Variants in RBM6 observed in about 807,000 individuals in gnomAD.
RBM6 encodes the protein RNA binding motif protein 6.
RBM6 carries 23 observed loss-of-function variants against 140.4 expected under a neutral mutation model. That is an observed-to-expected ratio of 0.16 (90% confidence interval 0.12 to 0.23). The LOEUF (loss-of-function observed/expected upper bound fraction) is 0.23, where lower values mean the gene tolerates loss of function less well. RBM6 is among the 10% of genes least tolerant of loss of function. The pLI is 1.00. For missense variants in RBM6, 1,139 were observed against 1,386.7 expected, an observed-to-expected ratio of 0.82 and a Z score of 2.84; for synonymous variants, 439 against 475.6, an observed-to-expected ratio of 0.92 and a Z score of 1.00.
chr3:50,052,347 G>A (rs940915013), intron 7 of RBM6, among the ~76,000 whole-genome samples: 5 of 152,214 alleles, frequency 3.3e-5, no homozygotes, highest in South Asian at 4.1e-4. Context: ...TTACTGGCAT[G>A]AGCCATCATG....
At chr3:50,037,750 C>T (rs2088628958) in intron 6 of RBM6, among the ~76,000 whole-genome samples, 1 of 152,086 alleles carries the variant, frequency 6.6e-6, no homozygotes, top group East Asian at 1.9e-4. Flanking sequence ...GCAGTTCTCC[C>T]ACCTTGACCT....
At chr3:49,993,146 A>C (rs75584811) in intron 5 of RBM6, among the ~76,000 whole-genome samples, 2,575 of 152,260 alleles carry the variant, frequency 0.017, 51 homozygotes, top group African/African-American at 0.058. Context: ...TGCTCATATG[A>C]CACCATTACT....
intron 1 of RBM6, among the ~76,000 whole-genome samples, chr3:49,947,971 G>A (rs2083566050): frequency 6.6e-6 from 1 of 152,214 alleles, no homozygotes; most frequent in South Asian, 2.1e-4. Flanking sequence ...GTGCCTGGCT[G>A]TAATCCCAGC....
At chr3:49,941,686 A>G (rs1451522590) in intron 1 of RBM6, among the ~76,000 whole-genome samples, 2 of 150,124 alleles carry the variant, frequency 1.3e-5, no homozygotes, top group Non-Finnish European at 3.0e-5. Context: ...AAAACTCAAC[A>G]AAAACCAACA....
intron 5 of RBM6, among the ~76,000 whole-genome samples, chr3:49,994,051 G>A (rs961230180): frequency 2.6e-5 from 4 of 152,082 alleles, no homozygotes; most frequent in Admixed American, 1.3e-4. Context: ...TTCGTAATTC[G>A]AGTGGGATTG....
intron 6 of RBM6, among the ~76,000 whole-genome samples, chr3:50,023,635 C>T (rs375406894): frequency 1.6e-4 from 24 of 148,618 alleles, no homozygotes; most frequent in African/African-American, 5.2e-4. Flanking sequence ...ATTATACGCT[C>T]ACAAATAAAA....
At chr3:49,968,894 C>T in intron 3 of RBM6, 146 bp downstream of exon 3, 1 of 1,109,264 alleles carries the variant, frequency 9.0e-7, no homozygotes, top group South Asian at 1.8e-5. Context: ...ATTCTCCTGC[C>T]TCAGCCTCCT....
chr3:49,943,771 T>C (rs1199997649), intron 1 of RBM6, among the ~76,000 whole-genome samples: 1 of 152,202 alleles, frequency 6.6e-6, no homozygotes, highest in Non-Finnish European at 1.5e-5. Context: ...GGTTATTATA[T>C]GTTTAGCTTT....
intron 1 of RBM6, among the ~76,000 whole-genome samples, chr3:49,953,866 C>T (rs1352844022): frequency 6.6e-6 from 1 of 152,064 alleles, no homozygotes; most frequent in African/African-American, 2.4e-5. Context: ...GGCAGGGTGG[C>T]TCACACCTGT....
rs143282955 is a variant in RBM6 at position 50,000,996 on chromosome 3, G to A, written c.1557+1483G>A. Among the ~76,000 whole-genome samples the A allele has an allele frequency of 9.4e-4, 143 of 152,244 alleles. 5 individuals carry two copies. The East Asian group carries it at 0.024, about 26-fold the overall frequency. ...AGATCCTTAAAGAATGACAGGCTTA[G>A]GACCATATCCCCTAGACTTAAGAGG... On this transcript the variant is annotated intron_variant, in intron 6 of 20. Coordinates refer to ENST00000266022, the MANE Select transcript of RBM6 (RefSeq NM_005777.3).
At chr3:49,987,783 C>T (rs1048979874) in intron 5 of RBM6, among the ~76,000 whole-genome samples, 3 of 151,994 alleles carry the variant, frequency 2.0e-5, no homozygotes, top group African/African-American at 4.8e-5. Context: ...GGATTACAGC[C>T]GCCTGCCACT....
intron 6 of RBM6, among the ~76,000 whole-genome samples, chr3:50,034,850 C>G (rs1294600209): frequency 6.6e-6 from 1 of 152,166 alleles, no homozygotes; most frequent in African/African-American, 2.4e-5. Context: ...GGCAGTTTTC[C>G]TTCTAAGGAA....
chr3:49,954,577 G>A (rs971992865), intron 1 of RBM6, among the ~76,000 whole-genome samples: 2 of 151,888 alleles, frequency 1.3e-5, no homozygotes, highest in African/African-American at 4.8e-5. Context: ...CACTGTGTCT[G>A]GCCTATTTAT....
At position 50,054,354 on chromosome 3, in the gene RBM6, G is replaced by A. The variant is rs370470052; in HGVS notation, c.1652G>A (p.Gly551Glu). ...TTACAGTGTAAGGCAAACATTGGTG[G>A]GCACCGATCTTCCTGTTCATTCTGC... ...YCKRCKANIG[G>E]HRSSCSFCKN... The change falls in exon 8 of 21, where the codon GGG (glycine) becomes GAG (glutamate). Residue 551 changes from glycine to glutamate, a missense_variant. Coordinates refer to ENST00000266022, the MANE Select transcript of RBM6 (RefSeq NM_005777.3). The A allele has an allele frequency of 1.2e-6, 2 of 1,612,818 alleles. No individual in the cohort carries two copies. The highest frequency in any genetic ancestry group is 3.3e-5 in the Admixed American group (2 of 59,994).
At chr3:50,009,748 A>T (rs2086756004) in intron 6 of RBM6, among the ~76,000 whole-genome samples, 1 of 151,646 alleles carries the variant, frequency 6.6e-6, no homozygotes, top group South Asian at 2.1e-4. Context: ...GAGGGGAGGT[A>T]CAGATGAGAT....
At chr3:49,979,607 T>C (rs2085213008) in intron 5 of RBM6, among the ~76,000 whole-genome samples, 1 of 151,898 alleles carries the variant, frequency 6.6e-6, no homozygotes, top group Non-Finnish European at 1.5e-5. Flanking sequence ...ACCTGGCTAA[T>C]TTTTTGTATT....
chr3:49,947,631 CTG>C (rs748871322), intron 1 of RBM6, among the ~76,000 whole-genome samples: 5 of 151,892 alleles, frequency 3.3e-5, no homozygotes, highest in Non-Finnish European at 5.9e-5. Flanking sequence ...TTTTTAAAAT[CTG>C]TGCCTCATCT....
intron 1 of RBM6, among the ~76,000 whole-genome samples, chr3:49,948,770 T>G (rs1559513052): frequency 6.8e-6 from 1 of 147,084 alleles, no homozygotes; most frequent in African/African-American, 2.5e-5. Flanking sequence ...TGCAGTGAGC[T>G]GAGATTGCAC....
chr3:50,007,189 G>GTTT (rs752697456), intron 6 of RBM6, among the ~76,000 whole-genome samples: 2 of 131,764 alleles, frequency 1.5e-5, no homozygotes, highest in Non-Finnish European at 3.3e-5. Context: ...CCTAGTTGGA[G>GTTT]TTTTTTTTTT....
Sources: allele counts gnomAD v4.1 joint callset (sites outside exome capture counted in the v4.1 genomes callset), GRCh38; gene constraint gnomAD v4.1.1; transcripts MANE v1.5; gene names NCBI Gene and HGNC (gene_info 2026-07-23, HGNC 2026-07-21).